Variants in PDE1A observed in about 807,000 individuals in gnomAD.
PDE1A encodes the protein phosphodiesterase 1A.
Under a neutral mutation model 61.7 loss-of-function variants are expected in PDE1A, and 35 were observed. The ratio of observed to expected loss-of-function variants is 0.57; its 90% CI spans 0.43 to 0.75. The LOEUF is 0.75. PDE1A is among the 30% of genes least tolerant of loss of function. The pLI, the probability that PDE1A is intolerant of heterozygous loss-of-function variation, is 0.00. For missense variants in PDE1A, 597 were observed against 630.6 expected, an observed-to-expected ratio of 0.95 and a Z score of 0.57; for synonymous variants, 232 against 213.2, an observed-to-expected ratio of 1.09 and a Z score of -0.77.
intron 1 of PDE1A, among the ~76,000 whole-genome samples, chr2:182,273,847 C>T (rs923220451): frequency 2.0e-5 from 3 of 152,054 alleles, no homozygotes; most frequent in African/African-American, 7.2e-5. Context: ...GCAAAGCAAT[C>T]TCAGCACCAG....
the PDE1A span, among the ~76,000 whole-genome samples, chr2:182,608,337 C>G: frequency 6.6e-6 from 1 of 152,256 alleles, no homozygotes; most frequent in Non-Finnish European, 1.5e-5. Context: ...CCCGGGCTCG[C>G]TCTCGGCGCC....
chr2:182,709,739 A>G, the PDE1A span, among the ~76,000 whole-genome samples: 6 of 152,168 alleles, frequency 3.9e-5, no homozygotes, highest in Non-Finnish European at 2.9e-5. Context: ...TTGAGTTTTG[A>G]TTTATTACAC....
chr2:182,401,636 C>T (rs1166857328), intron 1 of PDE1A, among the ~76,000 whole-genome samples: 1 of 152,198 alleles, frequency 6.6e-6, no homozygotes, highest in African/African-American at 2.4e-5. Flanking sequence ...TGCCCTTTCT[C>T]ACCACTCCTG....
At chr2:182,326,493 A>T (rs1427576615) in intron 1 of PDE1A, among the ~76,000 whole-genome samples, 1 of 152,252 alleles carries the variant, frequency 6.6e-6, no homozygotes, top group Non-Finnish European at 1.5e-5. Flanking sequence ...TATGATTCTT[A>T]GAATTATACA....
At chr2:182,417,845 G>A (rs893350470) in intron 1 of PDE1A, among the ~76,000 whole-genome samples, 4 of 152,022 alleles carry the variant, frequency 2.6e-5, no homozygotes, top group African/African-American at 9.7e-5. Context: ...GCAGAAGTTT[G>A]TTGTGTTTTG....
At chr2:182,342,554 G>A (rs1196964664) in intron 1 of PDE1A, among the ~76,000 whole-genome samples, 3 of 152,174 alleles carry the variant, frequency 2.0e-5, no homozygotes. Context: ...GTGGTAACAC[G>A]TGCCTGTAGT....
chr2:182,188,958 AC>A lies in PDE1A; in HGVS notation c.1207+20del. The A allele has an allele frequency of 6.5e-7, 1 of 1,547,236 alleles. No individual in the cohort carries two copies. Among genetic ancestry groups the A allele is most frequent in the Non-Finnish European group, 8.9e-7 (1 of 1,120,278 alleles). The stretch of plus-strand genomic sequence containing the variant: ...GACAAGCACACACTCACTTTCCACC[AC>A]CACAAATCATCAGAATTACCTATTT... On this transcript the variant is annotated intron_variant, in intron 11 of 13. Coordinates refer to ENST00000351439, the Ensembl canonical transcript of PDE1A.
intron 1 of PDE1A, among the ~76,000 whole-genome samples, chr2:182,420,326 T>C (rs968541684): frequency 1.5e-4 from 23 of 152,194 alleles, no homozygotes; most frequent in African/African-American, 5.3e-4. Context: ...CCTATTTTCA[T>C]CCAAATTTAA....
intron 7 of PDE1A, among the ~76,000 whole-genome samples, chr2:182,207,291 G>A (rs947898688): frequency 2.0e-5 from 3 of 152,280 alleles, no homozygotes; most frequent in African/African-American, 4.8e-5. Context: ...AGGTAGAGAC[G>A]AGGAACTTAT....
intron 2 of PDE1A, among the ~76,000 whole-genome samples, chr2:182,486,892 G>C (rs1688057761): frequency 6.6e-6 from 1 of 151,976 alleles, no homozygotes. Context: ...GACACTAAAA[G>C]CATAATCCAT....
chr2:182,418,247 G>A (rs954629623), intron 1 of PDE1A, among the ~76,000 whole-genome samples: 5 of 152,170 alleles, frequency 3.3e-5, no homozygotes, highest in African/African-American at 4.8e-5. Context: ...TCATTAAGTC[G>A]GCTAGCATGA....
chr2:182,466,276 A>G (rs908868835), intron 2 of PDE1A, among the ~76,000 whole-genome samples: 1 of 152,086 alleles, frequency 6.6e-6, no homozygotes, highest in Non-Finnish European at 1.5e-5. Flanking sequence ...TCTTCCTAAG[A>G]GTTACCTTCC....
the PDE1A span, among the ~76,000 whole-genome samples, chr2:182,626,756 T>TAC: frequency 9.4e-5 from 1 of 10,670 alleles, no homozygotes; most frequent in African/African-American, 2.6e-4. Flanking sequence ...TACATATATA[T>TAC]ATATACATAT....
At chr2:182,530,651 T>C in the PDE1A span, among the ~76,000 whole-genome samples, 10 of 152,150 alleles carry the variant, frequency 6.6e-5, no homozygotes, top group African/African-American at 2.2e-4. Context: ...AAAAGATCTG[T>C]CAAATTTGAA....
chr2:182,325,703 A>G (rs1230551659), intron 1 of PDE1A, among the ~76,000 whole-genome samples: 1 of 152,172 alleles, frequency 6.6e-6, no homozygotes, highest in Non-Finnish European at 1.5e-5. Flanking sequence ...GGATTGCCTG[A>G]GCTCAGGTGT....
chr2:182,282,578 G>A (rs1243370299), intron 1 of PDE1A, among the ~76,000 whole-genome samples: 1 of 151,918 alleles, frequency 6.6e-6, no homozygotes. Flanking sequence ...AATATTTGTA[G>A]GTAAGGAGAC....
At chr2:182,625,804 C>G in the PDE1A span, among the ~76,000 whole-genome samples, 1 of 152,112 alleles carries the variant, frequency 6.6e-6, no homozygotes, top group Non-Finnish European at 1.5e-5. Flanking sequence ...ACTTCTAGCT[C>G]AAAGGAAAAG....
chr2:182,201,850 C>G, intron 8 of PDE1A, 61 bp from the exon 9 acceptor site: 3 of 988,956 alleles, frequency 3.0e-6, no homozygotes, highest in Admixed American at 2.3e-5. Context: ...AAGTGGAACA[C>G]TTCAATAAAT....
the PDE1A span, among the ~76,000 whole-genome samples, chr2:182,688,927 A>G: frequency 6.6e-6 from 1 of 152,238 alleles, no homozygotes; most frequent in Non-Finnish European, 1.5e-5. Context: ...CAAAAGGACA[A>G]AGAAGGCCAT....
Sources: allele counts gnomAD v4.1 joint callset (sites outside exome capture counted in the v4.1 genomes callset), GRCh38; gene constraint gnomAD v4.1.1; transcripts MANE v1.5; gene names NCBI Gene and HGNC (gene_info 2026-07-23, HGNC 2026-07-21).